MICAL2: variants seen among roughly 807,000 people sequenced by gnomAD.
MICAL2 encodes the protein microtubule associated monooxygenase, calponin and LIM domain containing 2.
MICAL2 carries 77 observed loss-of-function variants against 127.3 expected under a neutral mutation model. The observed-to-expected ratio is 0.60, with a 90% CI of 0.50 to 0.73. The LOEUF is 0.73. MICAL2 is among the 30% of genes least tolerant of loss of function. MICAL2 has a pLI of 0.00. For synonymous variants in MICAL2, 570 were observed against 551.1 expected, an observed-to-expected ratio of 1.03 and a Z score of -0.48; for missense variants, 1,351 against 1,434.4, an observed-to-expected ratio of 0.94 and a Z score of 0.94.
intron 1 of MICAL2, among the ~76,000 whole-genome samples, chr11:12,125,469 T>C (rs192829274): frequency 4.6e-5 from 7 of 152,334 alleles, no homozygotes; most frequent in African/African-American, 1.7e-4. Context: ...TTAGCCAGGA[T>C]AGTCTTGATC....
intron 32 of MICAL2, among the ~76,000 whole-genome samples, chr11:12,335,346 G>T (rs1369171324): frequency 6.6e-6 from 1 of 151,980 alleles, no homozygotes; most frequent in African/African-American, 2.4e-5. Flanking sequence ...GTAGATTCTG[G>T]ATATTAGCCC....
downstream of MICAL2, among the ~76,000 whole-genome samples, chr11:12,293,072 C>G (rs1863925881): frequency 6.6e-6 from 1 of 152,230 alleles, no homozygotes. Context: ...ACTGTCGCTT[C>G]TTACTTTGAT....
chr11:12,286,920 T>C (rs908847111), intron 2 of MICAL2: 9 of 388,324 alleles, frequency 2.3e-5, no homozygotes, highest in Non-Finnish European at 4.5e-6. Flanking sequence ...GAGTGTGTTG[T>C]GGGGACAGCA....
chr11:12,269,289 C>T (rs915211363), intron 24 of MICAL2, among the ~76,000 whole-genome samples: 2 of 152,212 alleles, frequency 1.3e-5, no homozygotes, highest in Admixed American at 1.3e-4. Flanking sequence ...TCTTCCTGCC[C>T]TCCTCATTCA....
chr11:12,340,170 A>G (rs1021310901), intron 32 of MICAL2, among the ~76,000 whole-genome samples: 1 of 152,226 alleles, frequency 6.6e-6, no homozygotes, highest in Non-Finnish European at 1.5e-5. Context: ...AAAAAGAATC[A>G]GCATTCTAGA....
intron 16 of MICAL2, among the ~76,000 whole-genome samples, chr11:12,236,556 A>G (rs930479515): frequency 6.6e-6 from 1 of 152,268 alleles, no homozygotes; most frequent in Non-Finnish European, 1.5e-5. Flanking sequence ...TATCTGACAC[A>G]TGTTAATCAA....
At chr11:12,347,533 GC>G (rs1938974730) in intron 32 of MICAL2, among the ~76,000 whole-genome samples, 2 of 152,138 alleles carry the variant, frequency 1.3e-5, no homozygotes, top group African/African-American at 4.8e-5. Context: ...CTGCATTCTA[GC>G]ACCAGTTTGC....
intron 34 of MICAL2, among the ~76,000 whole-genome samples, chr11:12,357,307 T>C (rs182762437): frequency 1.5e-3 from 226 of 152,336 alleles, no homozygotes; most frequent in African/African-American, 5.2e-3. Context: ...AGAATCCTGT[T>C]TTCTGTGTCC....
chr11:12,346,708 T>C (rs374483306), intron 32 of MICAL2, among the ~76,000 whole-genome samples: 32 of 152,316 alleles, frequency 2.1e-4, no homozygotes, highest in African/African-American at 7.2e-4. Context: ...TTTGGCTACG[T>C]TGGTTTTCCC....
intron 3 of MICAL2, among the ~76,000 whole-genome samples, chr11:12,173,767 T>C (rs937507670): frequency 2.6e-5 from 4 of 152,248 alleles, no homozygotes; most frequent in African/African-American, 7.2e-5. Flanking sequence ...TTGTAATATT[T>C]CATGTAAGTG....
At chr11:12,260,464 T>G in intron 26 of MICAL2, 1 of 1,140,442 alleles carries the variant, frequency 8.8e-7, no homozygotes, top group Non-Finnish European at 1.1e-6. Context: ...AAGCATTTTT[T>G]TCTATGAGTG....
rs994763731 is a variant in MICAL2 at position 12,349,787 on chromosome 11, A to G, written c.5516-51A>G. 4.4e-6 allele frequency: 7 copies of G among 1,573,092 alleles called. No homozygotes were observed. In the Admixed American group the frequency reaches 5.0e-5, roughly 11 times the overall value. ...TAAAGTGGCTCAAAGCAGTTTGATCATGGGGAGAGAAATGCCAATCTAACC... is the reference window on the plus strand; with the variant it reads ...TAAAGTGGCTCAAAGCAGTTTGATCGTGGGGAGAGAAATGCCAATCTAACC... On this transcript the variant is annotated intron_variant, in intron 32 of 34. Coordinates refer to the MICAL2 transcript ENST00000646065.
At chr11:12,327,563 G>A (rs566253414) in intron 32 of MICAL2, among the ~76,000 whole-genome samples, 30 of 152,354 alleles carry the variant, frequency 2.0e-4, no homozygotes, top group African/African-American at 5.3e-4. Flanking sequence ...TGGCTAACAC[G>A]AATGTTCTTT....
intron 29 of MICAL2, chr11:12,319,577 G>A: frequency 2.8e-6 from 2 of 719,450 alleles, no homozygotes; most frequent in Non-Finnish European, 4.8e-6. Flanking sequence ...CAGGTGCAGT[G>A]AGGGGAGGGC....
chr11:12,195,355 G>T (rs1015712485), intron 3 of MICAL2, among the ~76,000 whole-genome samples: 3 of 152,188 alleles, frequency 2.0e-5, no homozygotes, highest in African/African-American at 7.2e-5. Flanking sequence ...TATTGATTCT[G>T]CTATTTAATT....
rs371558115 is a variant in MICAL2, at chr11:12,126,521, C to T, written c.-148-11869C>T. 4.6e-5 allele frequency among the ~76,000 whole-genome samples: 7 copies of T among 152,054 alleles called. No homozygotes were observed. The East Asian group carries it at 7.8e-4, about 17-fold the overall frequency. Reference sequence around the variant, plus strand: ...CTCTTGGGAGTGGCCAGTCCAGGTACCTATAATTGAGGAAGTGACCTGATT... The same window carrying T: ...CTCTTGGGAGTGGCCAGTCCAGGTATCTATAATTGAGGAAGTGACCTGATT... On this transcript the variant is annotated intron_variant, in intron 1 of 27. Transcript: ENST00000683283.
chr11:12,180,098 G>A (rs1857255852), intron 3 of MICAL2, among the ~76,000 whole-genome samples: 1 of 152,122 alleles, frequency 6.6e-6, no homozygotes, highest in Non-Finnish European at 1.5e-5. Context: ...CCCTGTGCTA[G>A]TAGAAATGCT....
intron 32 of MICAL2, among the ~76,000 whole-genome samples, chr11:12,331,904 T>C (rs1367343296): frequency 1.3e-5 from 2 of 152,210 alleles, no homozygotes; most frequent in East Asian, 1.9e-4. Flanking sequence ...ACTTCTCAAA[T>C]TGTATTTATT....
chr11:12,218,947 T>C lies in MICAL2; in HGVS notation c.949-1254T>C, dbSNP rs538145369. On this transcript the variant is annotated intron_variant, in intron 8 of 27. Transcript: ENST00000683283. ...AATTACAGGGGACAGGAATTCCCAT[T>C]CATCGGTCACTTCCCACATGGGGCT... 2.0e-5 allele frequency among the ~76,000 whole-genome samples: 3 copies of C among 152,344 alleles called. No individual in the cohort carries two copies. The East Asian group carries it at 5.8e-4, about 29-fold the overall frequency.
Sources: allele counts gnomAD v4.1 joint callset (sites outside exome capture counted in the v4.1 genomes callset), GRCh38; gene constraint gnomAD v4.1.1; transcripts MANE v1.5; gene names NCBI Gene and HGNC (gene_info 2026-07-23, HGNC 2026-07-21).